The following RHOA variants were observed in gnomAD, a reference collection of about 807,000 sequenced individuals.
RHOA encodes the protein transforming protein RhoA.
In RHOA, 3 loss-of-function variants were observed where a neutral mutation model predicts 17.5. That is an observed-to-expected ratio of 0.17 (90% CI 0.08 to 0.44). The LOEUF (loss-of-function observed/expected upper bound fraction) is 0.44, where lower values mean the gene tolerates loss of function less well. RHOA is among the 20% of genes least tolerant of loss of function. RHOA has a pLI of 0.99. For missense variants in RHOA, 56 were observed against 242.3 expected, an observed-to-expected ratio of 0.23 and a Z score of 5.10; for synonymous variants, 98 against 88.4, an observed-to-expected ratio of 1.11 and a Z score of -0.61.
rs543419762 is a variant in RHOA, at chr3:49,372,013, G to A, written c.156+3421C>T. Among the ~76,000 whole-genome samples the A allele has an allele frequency of 3.9e-5, 6 of 152,304 alleles. No homozygotes were observed. The South Asian group carries it at 1.2e-3, about 32-fold the overall frequency. The stretch of plus-strand genomic sequence containing the variant: ...TGGAGAAAATGTTAGGATACAACCA[G>A]TAATATACATTCACTACTAGGCTTT... On this transcript the variant is annotated intron_variant, in intron 2 of 4. Transcript: ENST00000418115.
chr3:49,383,934 G>C (rs1024869036), intron 1 of RHOA, among the ~76,000 whole-genome samples: 2 of 152,150 alleles, frequency 1.3e-5, no homozygotes, highest in African/African-American at 4.8e-5. Context: ...GAAGGCTGAG[G>C]CACGAGAATC....
intron 1 of RHOA, among the ~76,000 whole-genome samples, chr3:49,396,284 C>T (rs2048614888): frequency 6.6e-6 from 1 of 152,116 alleles, no homozygotes; most frequent in Non-Finnish European, 1.5e-5. Flanking sequence ...TTCAAGAAGT[C>T]AGCCCGGGGC....
intron 2 of RHOA, among the ~76,000 whole-genome samples, chr3:49,371,870 C>A (rs1575650329): frequency 1.3e-5 from 2 of 152,154 alleles, no homozygotes; most frequent in Admixed American, 6.6e-5. Flanking sequence ...GATGCCCAGG[C>A]AGAAATAATG....
intron 2 of RHOA, among the ~76,000 whole-genome samples, chr3:49,369,819 GC>G (rs1224173817): frequency 6.6e-6 from 1 of 152,152 alleles, no homozygotes; most frequent in African/African-American, 2.4e-5. Context: ...TGTAATCCCA[GC>G]ACTTTGGGAG....
At chr3:49,389,206 G>T (rs1338888450) in intron 1 of RHOA, among the ~76,000 whole-genome samples, 3 of 151,976 alleles carry the variant, frequency 2.0e-5, no homozygotes, top group African/African-American at 7.3e-5. Flanking sequence ...AATCAGCCAG[G>T]CCTGGTGGCG....
intron 1 of RHOA, among the ~76,000 whole-genome samples, chr3:49,407,156 GAGA>G (rs1455536539): frequency 1.3e-5 from 2 of 149,760 alleles, no homozygotes; most frequent in Non-Finnish European, 3.0e-5. Context: ...GAGAAGAGAA[GAGA>G]AGAACCAATG....
chr3:49,359,987 G>A lies in RHOA; in HGVS notation c.*222C>T, dbSNP rs2047934423. 4.2e-6 allele frequency: 2 copies of A among 471,106 alleles called. No individual in the cohort carries two copies. The highest frequency in any genetic ancestry group is 3.9e-5 in the Admixed American group (1 of 25,394). The allele number at this position is 471,106 out of a possible 1,614,324, so 29.2% of individuals were successfully genotyped here. On this transcript the variant is annotated 3_prime_UTR_variant, in exon 5 of 5. Coordinates refer to ENST00000418115, the MANE Select transcript of RHOA (RefSeq NM_001664.4). ...GCCTGGTGTGTCAGGTGGGAGTGCA[G>A]AGGAGGGCTGTTAGAGCAGTGTCAA... is the stretch of plus-strand genomic sequence containing the variant.
chr3:49,408,867 A>T (rs1350199362), intron 1 of RHOA, among the ~76,000 whole-genome samples: 2 of 150,068 alleles, frequency 1.3e-5, no homozygotes. Context: ...ATCTCAGCTC[A>T]CGGCAAGCTC....
At chr3:49,375,637 T>C (rs770727932) in intron 1 of RHOA, 46 bp from the exon 2 acceptor site, 25 of 1,587,972 alleles carry the variant, frequency 1.6e-5, no homozygotes, top group Non-Finnish European at 2.1e-5. Flanking sequence ...CAAGAAGTCA[T>C]AGGTAGCTTA....
At chr3:49,360,495 T>G (rs2047947740) in intron 4 of RHOA, 113 bp from the exon 5 acceptor site, 2 of 1,175,444 alleles carry the variant, frequency 1.7e-6, no homozygotes, top group African/African-American at 3.1e-5. Context: ...GAGACAGTTT[T>G]GCTCGTCGGT....
chr3:49,392,122 A>G (rs1164277863), intron 1 of RHOA, among the ~76,000 whole-genome samples: 5 of 151,836 alleles, frequency 3.3e-5, no homozygotes, highest in African/African-American at 7.2e-5. Context: ...GCCACCACAC[A>G]TGGCCAATTA....
chr3:49,410,817 C>T (rs150421939), intron 1 of RHOA, among the ~76,000 whole-genome samples: 312 of 152,240 alleles, frequency 2.0e-3, no homozygotes, highest in Middle Eastern at 0.01. Context: ...CTGCAAGAAA[C>T]GTTTAAGACT....
chr3:49,369,690 G>A (rs759451584), intron 2 of RHOA, among the ~76,000 whole-genome samples: 6 of 151,542 alleles, frequency 4.0e-5, no homozygotes, highest in Admixed American at 3.3e-4. Flanking sequence ...AGCCAAGATC[G>A]TGCCACTGCA....
At chr3:49,369,470 T>A (rs1210506169) in intron 2 of RHOA, among the ~76,000 whole-genome samples, 1 of 151,078 alleles carries the variant, frequency 6.6e-6, no homozygotes, top group Non-Finnish European at 1.5e-5. Flanking sequence ...CGGTGGCTCA[T>A]GCCTGTAATC....
intron 1 of RHOA, among the ~76,000 whole-genome samples, chr3:49,376,260 CAT>C (rs770660335): frequency 3.8e-4 from 58 of 152,234 alleles, no homozygotes; most frequent in African/African-American, 8.4e-4. Flanking sequence ...TCAATTCACA[CAT>C]GAGATGATTT....
intron 3 of RHOA, 88 bp downstream of exon 3, chr3:49,368,340 G>T: frequency 6.7e-7 from 1 of 1,491,490 alleles, no homozygotes; most frequent in Non-Finnish European, 9.2e-7. Context: ...TGAAGTTCAT[G>T]TCTGCTTTTC....
At chr3:49,367,732 G>A (rs1265448437) in intron 3 of RHOA, among the ~76,000 whole-genome samples, 1 of 151,736 alleles carries the variant, frequency 6.6e-6, no homozygotes, top group Non-Finnish European at 1.5e-5. Flanking sequence ...ATGTTGCCTA[G>A]GCTGGTCTCA....
chr3:49,378,910 A>G (rs2048274815), intron 1 of RHOA, among the ~76,000 whole-genome samples: 1 of 152,158 alleles, frequency 6.6e-6, no homozygotes, highest in Admixed American at 6.6e-5. Flanking sequence ...TACAGTATAT[A>G]GAAAAAATTA....
At chr3:49,374,779 A>G (rs2048200153) in intron 2 of RHOA, among the ~76,000 whole-genome samples, 1 of 152,100 alleles carries the variant, frequency 6.6e-6, no homozygotes, top group Admixed American at 6.6e-5. Flanking sequence ...TGTCAAATAC[A>G]TATGAATGTA....
Sources: gnomAD v4.1 joint callset for allele counts (sites outside exome capture counted in the v4.1 genomes callset) on GRCh38, gnomAD v4.1.1 for gene constraint, MANE v1.5 for transcripts, NCBI Gene and HGNC (gene_info 2026-07-23, HGNC 2026-07-21) for gene names.